Variants in GAREM2 observed in about 807,000 individuals in gnomAD.
GAREM2 encodes the protein GRB2 associated regulator of MAPK1 subtype 2.
A neutral mutation model predicts 55.6 loss-of-function variants in GAREM2; 30 were observed. That is an observed-to-expected ratio of 0.54 (90% CI 0.40 to 0.73). The LOEUF is 0.73. GAREM2 is among the 30% of genes least tolerant of loss of function. The pLI, the probability that GAREM2 is intolerant of heterozygous loss-of-function variation, is 0.00. For missense variants in GAREM2, 1,075 were observed against 1,257.7 expected, an observed-to-expected ratio of 0.85 and a Z score of 2.20; for synonymous variants, 550 against 569.1, an observed-to-expected ratio of 0.97 and a Z score of 0.48.
chr2:26,197,380 C>G, the GAREM2 span, among the ~76,000 whole-genome samples: 30 of 152,338 alleles, frequency 2.0e-4, 1 homozygote, highest in South Asian at 5.8e-3. Context: ...TGTAGCCAAA[C>G]TGGTATTTTG....
Position 26,184,872 on chromosome 2 carries a change from C to A in GAREM2, c.1024C>A (p.Arg342Ser). Residue 342 changes from arginine (R) to serine (S), a missense_variant, in exon 4 of 6, where the codon CGC (arginine) becomes AGC (serine). Arg to Ser is a moderately radical substitution (Grantham distance 110). Around this residue, in one of 6 missense-constraint regions of GAREM2, gnomAD observed 170 missense variants for 220.7 expected, o/e 0.77. Transcript: ENST00000401533. ...AGDPRVERLV[R>S]DSASYCRERF... ...GGACCCGCGCGTCGAGCGCCTGGTGCGCGACAGCGCCTCCTACTGCCGCGA... is the reference window on the plus strand; with the variant it reads ...GGACCCGCGCGTCGAGCGCCTGGTGAGCGACAGCGCCTCCTACTGCCGCGA... 6.8e-7 allele frequency: 1 copy of A among 1,464,096 alleles called. No homozygotes were observed. The highest frequency in any genetic ancestry group is 2.6e-5 in the Admixed American group (1 of 38,250). 90.7% of individuals were successfully genotyped at this position (1,464,096 alleles called of 1,614,324 possible). A position where few individuals can be genotyped will look rare whatever the true frequency, so the allele number is the denominator to read the frequency against.
chr2:26,195,003 C>A, the GAREM2 span: 1 of 1,118,350 alleles, frequency 8.9e-7, no homozygotes. Context: ...GGTCATTTGC[C>A]CCAGAATATT....
the GAREM2 span, among the ~76,000 whole-genome samples, chr2:26,200,784 G>A: frequency 2.7e-5 from 4 of 150,628 alleles, no homozygotes; most frequent in African/African-American, 9.8e-5. Flanking sequence ...CCAGACTGGA[G>A]TGCAGTGGCG....
At chr2:26,187,118 A>T in intron 5 of GAREM2, 113 bp from the exon 6 acceptor site, 1 of 1,302,274 alleles carries the variant, frequency 7.7e-7, no homozygotes, top group Non-Finnish European at 9.7e-7. Context: ...GCTGGGGTGC[A>T]GGCCCGTGTT....
At chr2:26,180,041 C>T (rs1253543321) in intron 2 of GAREM2, among the ~76,000 whole-genome samples, 4 of 152,156 alleles carry the variant, frequency 2.6e-5, no homozygotes, top group Non-Finnish European at 5.9e-5. Flanking sequence ...GCCTGCCCCC[C>T]TCCACATTTT....
chr2:26,201,702 G>A, the GAREM2 span, among the ~76,000 whole-genome samples: 1 of 152,116 alleles, frequency 6.6e-6, no homozygotes, highest in East Asian at 1.9e-4. Flanking sequence ...CTATGACAGG[G>A]GAAGCAGCCA....
chr2:26,202,069 G>A, the GAREM2 span, among the ~76,000 whole-genome samples: 4 of 151,970 alleles, frequency 2.6e-5, no homozygotes, highest in Non-Finnish European at 5.9e-5. Context: ...AAAGTGTTGG[G>A]ATTATAGGCG....
chr2:26,185,397 G>C (rs1669217777), intron 4 of GAREM2, 121 bp downstream of exon 4: 1 of 1,367,974 alleles, frequency 7.3e-7, no homozygotes, highest in Non-Finnish European at 9.4e-7. Flanking sequence ...GTGGGGAAGG[G>C]GAGAAGGAAA....
chr2:26,183,043 C>T lies in GAREM2; in HGVS notation c.330C>T (p.Ala110=). The part of the protein sequence containing the change: ...VRYFSSVEEV[A]SVFPDRIFVM... ...ACTTCAGCAGCGTGGAGGAGGTGGC[C>T]AGTGTCTTCCCTGACCGCATCTTCG... The change falls in exon 3 of 6, where the codon GCC becomes GCT. Residue 110 remains alanine, a synonymous_variant. Transcript: ENST00000401533. The T allele has an allele frequency of 1.3e-6, 2 of 1,551,736 alleles. No individual in the cohort carries two copies. Among genetic ancestry groups the T allele is most frequent in the Non-Finnish European group, 1.7e-6 (2 of 1,146,986 alleles).
At chr2:26,176,935 GT>G (rs1344247918) in intron 2 of GAREM2, among the ~76,000 whole-genome samples, 5 of 152,086 alleles carry the variant, frequency 3.3e-5, no homozygotes, top group African/African-American at 1.2e-4. Context: ...CGCTGATCCT[GT>G]TTTTCCCAAT....
At chr2:26,182,164 A>G (rs1669070989) in intron 2 of GAREM2, 2 of 1,310,608 alleles carry the variant, frequency 1.5e-6, no homozygotes, top group Admixed American at 3.4e-5. Context: ...GTGAGGTGAG[A>G]GAGCTTACAC....
the GAREM2 span, among the ~76,000 whole-genome samples, chr2:26,201,533 G>C: frequency 9.9e-5 from 15 of 152,176 alleles, no homozygotes; most frequent in African/African-American, 3.1e-4. Flanking sequence ...TCAAAGACAT[G>C]TTAACTCCCA....
In GAREM2 at chr2:26,184,954, C is replaced by G. The variant is rs1669186131; in HGVS notation, c.1106C>G (p.Ala369Gly). The G allele has an allele frequency of 7.9e-7, 1 of 1,261,076 alleles. No individual in the cohort carries two copies. Among genetic ancestry groups the G allele is most frequent in the South Asian group, 2.6e-5 (1 of 37,746 alleles). The allele number at this position is 1,261,076 out of a possible 1,614,324, so 78.1% of individuals were successfully genotyped here. Residue 369 changes from alanine (A) to glycine (G), a missense_variant, in exon 4 of 6, where the codon GCC becomes GGC. Ala to Gly is a moderately conservative substitution (Grantham distance 60). Coordinates refer to ENST00000401533, the MANE Select transcript of GAREM2 (RefSeq NM_001168241.2). ...GTGCGCGAGGCGCCAGCGGAGCTCG[C>G]CGAAGACTGCGCCAGCCCGCGCCGC... Reference protein sequence around the residue: ...TAVREAPAELAEDCASPRRAR... With the variant: ...TAVREAPAELGEDCASPRRAR...
chr2:26,194,668 GC>G, the GAREM2 span: 1 of 1,402,530 alleles, frequency 7.1e-7, no homozygotes, highest in Non-Finnish European at 1.0e-6. Flanking sequence ...GAGCTCCCTG[GC>G]CCTGCTGCTG....
chr2:26,184,894 G>C lies in GAREM2; in HGVS notation c.1046G>C (p.Arg349Pro), dbSNP rs1190511354. Residue 349 changes from arginine (R) to proline (P), a missense_variant, in exon 4 of 6, where the codon CGC (arginine) becomes CCC (proline). Around this residue, in one of 6 missense-constraint regions of GAREM2, gnomAD observed 170 missense variants for 220.7 expected, o/e 0.77. Coordinates refer to ENST00000401533, the MANE Select transcript of GAREM2 (RefSeq NM_001168241.2). ...GTGCGCGACAGCGCCTCCTACTGCC[G>C]CGAGCGCTTCGACCCCGACGAGTAC... ...RLVRDSASYC[R>P]ERFDPDEYST... 8.9e-6 allele frequency: 13 copies of C among 1,456,354 alleles called. No individual in the cohort carries two copies. The highest frequency in any genetic ancestry group is 1.2e-5 in the Non-Finnish European group (13 of 1,113,744). The allele number at this position is 1,456,354 out of a possible 1,614,324, so 90.2% of individuals were successfully genotyped here.
chr2:26,195,624 A>C, the GAREM2 span, among the ~76,000 whole-genome samples: 3 of 152,040 alleles, frequency 2.0e-5, no homozygotes, highest in African/African-American at 7.3e-5. Context: ...CAGAAGAATT[A>C]ATGTGTTGGG....
downstream of GAREM2, chr2:26,194,519 G>A (rs371455712): frequency 1.6e-4 from 171 of 1,068,456 alleles, no homozygotes; most frequent in Non-Finnish European, 9.4e-5. Context: ...GAGTTTTAGA[G>A]TGACTGAAGG....
downstream of GAREM2, chr2:26,192,513 G>A (rs986347509): frequency 3.7e-5 from 30 of 804,370 alleles, no homozygotes; most frequent in Non-Finnish European, 5.7e-5. Flanking sequence ...CTGGCCAGGC[G>A]TGGTGGCTCA....
chr2:26,185,142 T>A lies in GAREM2; in HGVS notation c.1294T>A (p.Leu432Met). ...APPAEIPYEELWAHQGPEGLV... is the reference protein window; with the variant it reads ...APPAEIPYEEMWAHQGPEGLV... ...GCCCGCCGAGATCCCCTACGAGGAG[T>A]TGTGGGCGCACCAGGGGCCCGAGGG... is the stretch of plus-strand genomic sequence containing the variant. The change falls in exon 4 of 6, where the codon TTG becomes ATG. Residue 432 changes from leucine to methionine, a missense_variant. Leu to Met is a conservative substitution (Grantham distance 15). Coordinates refer to ENST00000401533, the MANE Select transcript of GAREM2 (RefSeq NM_001168241.2). The A allele has an allele frequency of 6.7e-7, 1 of 1,494,540 alleles. No homozygotes were observed. Among genetic ancestry groups the A allele is most frequent in the African/African-American group, 1.5e-5 (1 of 68,142 alleles). The allele number at this position is 1,494,540 out of a possible 1,614,324, so 92.6% of individuals were successfully genotyped here.
Sources: gnomAD v4.1 joint callset for allele counts (sites outside exome capture counted in the v4.1 genomes callset) on GRCh38, gnomAD v4.1.1 for gene constraint, gnomAD v4.1.1 regional missense constraint, MANE v1.5 for transcripts, NCBI Gene and HGNC (gene_info 2026-07-23, HGNC 2026-07-21) for gene names.